CTTN: variants seen among roughly 807,000 people sequenced by gnomAD.
The protein encoded by CTTN is cortactin, also known as src substrate cortactin.
In CTTN, 28 loss-of-function variants were observed where a neutral mutation model predicts 84.0. The ratio of observed to expected loss-of-function variants is 0.33; its 90% CI spans 0.25 to 0.46. CTTN has a LOEUF of 0.46. CTTN is among the 20% of genes least tolerant of loss of function. The pLI, the probability that CTTN is intolerant of heterozygous loss-of-function variation, is 1.00. For synonymous variants in CTTN, 301 were observed against 288.8 expected (o/e 1.04, Z -0.43); for missense variants, 641 against 723.8 (o/e 0.89, Z 1.31).
intron 13 of CTTN, among the ~76,000 whole-genome samples, chr11:70,426,036 A>G (rs957862786): frequency 2.0e-5 from 3 of 152,170 alleles, no homozygotes; most frequent in African/African-American, 4.8e-5. Context: ...TTGAGGGCCC[A>G]GGACGCTTTG....
intron 14 of CTTN, among the ~76,000 whole-genome samples, chr11:70,429,576 C>T (rs2058333030): frequency 1.3e-5 from 2 of 152,248 alleles, no homozygotes; most frequent in East Asian, 3.9e-4. Flanking sequence ...GGAAGCCCCT[C>T]CTTTCCCAGG....
At chr11:70,404,374 G>A (rs569446680) in intron 1 of CTTN, among the ~76,000 whole-genome samples, 4 of 152,128 alleles carry the variant, frequency 2.6e-5, no homozygotes, top group Non-Finnish European at 4.4e-5. Context: ...GGAAGGGGTC[G>A]TGTGCTTGGC....
At chr11:70,414,505 T>C (rs750974616) in intron 5 of CTTN, 37 bp from the exon 6 acceptor site, 1 of 1,470,470 alleles carries the variant, frequency 6.8e-7, no homozygotes, top group East Asian at 2.3e-5. Context: ...CGCAGTGTTG[T>C]TGGTGTCTAA....
chr11:70,423,304 A>G (rs1360024092), intron 12 of CTTN, among the ~76,000 whole-genome samples: 4 of 152,214 alleles, frequency 2.6e-5, no homozygotes, highest in South Asian at 2.1e-4. Flanking sequence ...GCTCATGTCC[A>G]TTTGAACTTA....
intron 11 of CTTN, chr11:70,422,570 C>T (rs1242420790): frequency 2.1e-5 from 27 of 1,305,010 alleles, no homozygotes; most frequent in Non-Finnish European, 2.7e-5. Context: ...GCACAGGAAG[C>T]AGATGAGAAT....
chr11:70,415,030 C>G (rs1453742477), intron 6 of CTTN, among the ~76,000 whole-genome samples: 4 of 152,190 alleles, frequency 2.6e-5, no homozygotes, highest in Non-Finnish European at 5.9e-5. Flanking sequence ...AGGACCCAGG[C>G]TTTGCGTCCA....
At chr11:70,433,910 TGCACACACAC>T (rs368268481) in intron 17 of CTTN, among the ~76,000 whole-genome samples, 192 bp downstream of exon 17, 10 of 152,264 alleles carry the variant, frequency 6.6e-5, no homozygotes, top group African/African-American at 2.4e-4. Context: ...ATTCCATCTC[TGCACACACAC>T]GCACACACCC....
intron 14 of CTTN, among the ~76,000 whole-genome samples, chr11:70,430,355 C>T (rs1311292656): frequency 2.6e-5 from 4 of 152,242 alleles, no homozygotes. Context: ...CCACACACAG[C>T]ACACAGCTAG....
intron 7 of CTTN, chr11:70,416,063 G>A (rs1170117325): frequency 5.2e-5 from 14 of 269,426 alleles, no homozygotes; most frequent in South Asian, 7.2e-5. Context: ...CAGATTGATC[G>A]GCAGAAAGCT....
At chr11:70,420,901 C>T (rs1457149442) in intron 10 of CTTN, among the ~76,000 whole-genome samples, 1 of 152,218 alleles carries the variant, frequency 6.6e-6, no homozygotes, top group Non-Finnish European at 1.5e-5. Context: ...GGACATGGGC[C>T]AAGCCTGCAG....
At chr11:70,412,082 G>A (rs1212568353) in intron 5 of CTTN, among the ~76,000 whole-genome samples, 1 of 152,168 alleles carries the variant, frequency 6.6e-6, no homozygotes, top group Admixed American at 6.5e-5. Flanking sequence ...CTGGCATCGG[G>A]GCCAGGTTAG....
intron 8 of CTTN, among the ~76,000 whole-genome samples, chr11:70,417,469 G>T (rs2058177473): frequency 6.6e-6 from 1 of 151,254 alleles, no homozygotes; most frequent in African/African-American, 2.4e-5. Context: ...TTCCTTAAGT[G>T]CTGGGATTAC....
intron 7 of CTTN, 117 bp downstream of exon 7, chr11:70,415,834 C>T (rs1254252480): frequency 2.1e-6 from 2 of 951,840 alleles, no homozygotes; most frequent in Non-Finnish European, 3.4e-6. Context: ...GTCACAGCCA[C>T]CTGAAGCCGT....
In CTTN at chr11:70,414,523, T is replaced by C; in HGVS notation, c.292-19T>C. ...AGTGTTGTTGGTGTCTAATGCTTTG[T>C]GTTTGAACCCTGTTCCAGTCAGCTG... On this transcript the variant is annotated intron_variant, in intron 5 of 17. Transcript: ENST00000301843. 1.3e-6 allele frequency: 2 copies of C among 1,592,142 alleles called. No homozygotes were observed. The highest frequency in any genetic ancestry group is 8.6e-7 in the Non-Finnish European group (1 of 1,160,518).
chr11:70,429,758 C>T (rs2058335364), intron 14 of CTTN, among the ~76,000 whole-genome samples: 1 of 152,188 alleles, frequency 6.6e-6, no homozygotes, highest in Admixed American at 6.5e-5. Context: ...GAGCCTGTGT[C>T]TGGGTGCTTT....
At chr11:70,417,317 C>G (rs1489114597) in intron 8 of CTTN, among the ~76,000 whole-genome samples, 194 bp downstream of exon 8, 1 of 152,132 alleles carries the variant, frequency 6.6e-6, no homozygotes, top group South Asian at 2.1e-4. Flanking sequence ...TTCCATAGTC[C>G]ATGTAACCAT....
intron 15 of CTTN, 118 bp downstream of exon 15, chr11:70,431,398 C>A: frequency 1.9e-6 from 2 of 1,076,070 alleles, no homozygotes; most frequent in Non-Finnish European, 2.8e-6. Context: ...TAGAGGGCAT[C>A]GCTGCATTCC....
At position 70,435,687 on chromosome 11, in the gene CTTN, G is replaced by A; in HGVS notation, c.*525G>A. ...GAGCTAAGTCACCCAGAGCACAGGA[G>A]CTGCCATGTCAGATGGGAAATCTGC... On this transcript the variant is annotated 3_prime_UTR_variant, in exon 18 of 18. Transcript: ENST00000301843. 1 of 1,597,576 alleles carries A rather than the reference G, an allele frequency of 6.3e-7. No individual in the cohort carries two copies. The highest frequency in any genetic ancestry group is 1.1e-5 in the South Asian group (1 of 90,798).
chr11:70,421,456 T>C lies in CTTN; in HGVS notation c.791-14T>C, dbSNP rs759063451. ...TTTTGGTTGTTTTCCCCACCGTTGCTTGTGGATTTTCAGATTATAAGACTG... is the reference window on the plus strand; with the variant it reads ...TTTTGGTTGTTTTCCCCACCGTTGCCTGTGGATTTTCAGATTATAAGACTG... On this transcript the variant is annotated splice_polypyrimidine_tract_variant and intron_variant, in intron 10 of 17. Coordinates refer to ENST00000301843, the MANE Select transcript of CTTN (RefSeq NM_005231.4). 6.3e-7 allele frequency: 1 copy of C among 1,578,034 alleles called. No homozygotes were observed. The highest frequency in any genetic ancestry group is 1.3e-5 in the African/African-American group (1 of 74,236).
Sources: allele counts gnomAD v4.1 joint callset (sites outside exome capture counted in the v4.1 genomes callset), GRCh38; gene constraint gnomAD v4.1.1; transcripts MANE v1.5; gene names NCBI Gene and HGNC (gene_info 2026-07-23, HGNC 2026-07-21).